NEK1: variants seen among roughly 807,000 people sequenced by gnomAD.
The protein encoded by NEK1 is serine/threonine-protein kinase Nek1.
NEK1 carries 137 observed loss-of-function variants against 182.1 expected under a neutral mutation model. That is an observed-to-expected ratio of 0.75 (90% CI 0.65 to 0.87). NEK1 has a LOEUF of 0.87. Ranked by LOEUF, NEK1 falls within the 40% of genes least tolerant of loss-of-function variation. The pLI, the probability that NEK1 is intolerant of heterozygous loss-of-function variation, is 0.00. For synonymous variants in NEK1, 513 were observed against 492.2 expected, an observed-to-expected ratio of 1.04 and a Z score of -0.56; for missense variants, 1,391 against 1,494.4, an observed-to-expected ratio of 0.93 and a Z score of 1.14.
intron 18 of NEK1, among the ~76,000 whole-genome samples, chr4:169,547,195 C>G (rs13111156): frequency 0.024 from 3,630 of 152,258 alleles, 63 homozygotes; most frequent in Non-Finnish European, 0.035. Flanking sequence ...CCAGCATTTT[C>G]TTTTCTGTAA....
intron 27 of NEK1, among the ~76,000 whole-genome samples, chr4:169,458,084 A>G (rs1421752467): frequency 6.6e-6 from 1 of 152,132 alleles, no homozygotes; most frequent in Non-Finnish European, 1.5e-5. Context: ...TATACAAAAG[A>G]CCCAGAATAG....
intron 18 of NEK1, among the ~76,000 whole-genome samples, chr4:169,539,591 C>T (rs1036443986): frequency 5.9e-5 from 9 of 151,932 alleles, no homozygotes; most frequent in Admixed American, 1.3e-4. Context: ...TATATCTGGT[C>T]GTAATGCAAC....
intron 26 of NEK1, among the ~76,000 whole-genome samples, chr4:169,469,642 G>A (rs1209177505): frequency 2.6e-5 from 4 of 152,080 alleles, no homozygotes; most frequent in African/African-American, 2.4e-5. Context: ...GGTCTGCTTG[G>A]TGCAGAGCTG....
intron 27 of NEK1, among the ~76,000 whole-genome samples, chr4:169,453,819 T>C (rs1435517172): frequency 1.3e-5 from 2 of 152,242 alleles, no homozygotes; most frequent in Non-Finnish European, 2.9e-5. Flanking sequence ...CTCTCAGCTC[T>C]GAAAGCTGTG....
chr4:169,489,937 A>G (rs1749756289), intron 23 of NEK1, among the ~76,000 whole-genome samples: 1 of 152,168 alleles, frequency 6.6e-6, no homozygotes, highest in Non-Finnish European at 1.5e-5. Flanking sequence ...AGTCACAAGT[A>G]TCATAGTAAT....
intron 5 of NEK1, among the ~76,000 whole-genome samples, chr4:169,594,201 G>A (rs532534576): frequency 6.6e-6 from 1 of 152,232 alleles, no homozygotes; most frequent in South Asian, 2.1e-4. Flanking sequence ...ATGTTATTTT[G>A]CATTAGTACA....
intron 30 of NEK1, 40 bp from the exon 31 acceptor site, chr4:169,424,840 G>C: frequency 6.6e-7 from 1 of 1,512,830 alleles, no homozygotes; most frequent in Non-Finnish European, 8.9e-7. Flanking sequence ...AGTCTATACA[G>C]TACTTAAAGT....
Position 169,401,646 on chromosome 4 carries a change from A to G in NEK1, c.3583+6T>C, listed in dbSNP as rs1468180906. ...AAGAAAAAGGTCCAAAACTCTGATC[A>G]TGCACCTGAGTGCCATTCTTCGTTC... On this transcript the variant is annotated splice_donor_region_variant and intron_variant, in intron 33 of 35. Transcript: ENST00000507142. The G allele has an allele frequency of 6.2e-7, 1 of 1,611,814 alleles. No homozygotes were observed. The highest frequency in any genetic ancestry group is 8.5e-7 in the Non-Finnish European group (1 of 1,178,168).
chr4:169,483,079 C>T (rs1329620607), intron 23 of NEK1, among the ~76,000 whole-genome samples: 1 of 152,178 alleles, frequency 6.6e-6, no homozygotes, highest in African/African-American at 2.4e-5. Flanking sequence ...AGGTGACAGA[C>T]ATGCAACTCT....
At chr4:169,477,702 C>T (rs1747227080) in intron 24 of NEK1, among the ~76,000 whole-genome samples, 1 of 151,768 alleles carries the variant, frequency 6.6e-6, no homozygotes, top group African/African-American at 2.4e-5. Context: ...TAGACAGGGG[C>T]CAATTCTCAA....
At chr4:169,478,924 T>C (rs17627330) in intron 24 of NEK1, among the ~76,000 whole-genome samples, 2,699 of 152,238 alleles carry the variant, frequency 0.018, 47 homozygotes, top group Non-Finnish European at 0.028. Context: ...GATTCAGAAG[T>C]AGAAGGTAAA....
At chr4:169,445,865 T>TATATACACACACACACACAC (rs569539235) in intron 27 of NEK1, among the ~76,000 whole-genome samples, 2 of 143,280 alleles carry the variant, frequency 1.4e-5, no homozygotes, top group African/African-American at 5.6e-5. Flanking sequence ...TATATATATA[T>TATATACACACACACACACAC]ACACACACAC....
intron 29 of NEK1, among the ~76,000 whole-genome samples, chr4:169,426,583 G>C (rs746434161): frequency 6.6e-6 from 1 of 152,166 alleles, no homozygotes. Context: ...GGGGGATAAC[G>C]CCCAGCAATT....
chr4:169,514,688 A>G lies in NEK1; in HGVS notation c.1666-5836T>C, dbSNP rs1754814526. ...AATTTATCCTTTTAATTGTTACAAGATCTATAATTATACCCATTTTTTTCT... is the reference window on the plus strand; with the variant it reads ...AATTTATCCTTTTAATTGTTACAAGGTCTATAATTATACCCATTTTTTTCT... On this transcript the variant is annotated intron_variant, in intron 19 of 35. Transcript: ENST00000507142. Among the ~76,000 whole-genome samples, 3 of 152,166 alleles carry G rather than the reference A, an allele frequency of 2.0e-5. No homozygotes were observed. The South Asian group carries it at 6.2e-4, about 31-fold the overall frequency.
chr4:169,472,487 G>C (rs954397412), intron 26 of NEK1, among the ~76,000 whole-genome samples: 1 of 152,180 alleles, frequency 6.6e-6, no homozygotes, highest in African/African-American at 2.4e-5. Context: ...CAGTCCCAAT[G>C]AGATGAACTG....
intron 31 of NEK1, among the ~76,000 whole-genome samples, chr4:169,421,005 G>A (rs1186954622): frequency 6.6e-6 from 1 of 152,182 alleles, no homozygotes; most frequent in Non-Finnish European, 1.5e-5. Context: ...GTTAAGAGCA[G>A]TAAAGAATGT....
intron 19 of NEK1, among the ~76,000 whole-genome samples, chr4:169,515,615 T>C (rs1325892516): frequency 2.4e-5 from 3 of 124,634 alleles, no homozygotes; most frequent in South Asian, 6.5e-4. Flanking sequence ...ATGTGTCATC[T>C]AGCATTAGGT....
chr4:169,400,703 A>G, intron 33 of NEK1, 52 bp from the exon 34 acceptor site: 2 of 1,370,098 alleles, frequency 1.5e-6, no homozygotes, highest in East Asian at 5.1e-5. Flanking sequence ...TGAATAACTC[A>G]TACCCTAATA....
rs1424294058 is a variant in NEK1, at chr4:169,394,200, T to C, written c.*310A>G. 1 of 240,118 alleles carries C rather than the reference T, an allele frequency of 4.2e-6. No homozygotes were observed. Among genetic ancestry groups the C allele is most frequent in the Non-Finnish European group, 7.9e-6 (1 of 126,160 alleles). 14.9% of individuals were successfully genotyped at this position (240,118 alleles called of 1,614,324 possible). A position where few individuals can be genotyped will look rare whatever the true frequency, so the allele number is the denominator to read the frequency against. On this transcript the variant is annotated 3_prime_UTR_variant, in exon 36 of 36. Coordinates refer to ENST00000507142, the MANE Select transcript of NEK1 (RefSeq NM_001199397.3). ...TTGCTGAAACTCAAAGTTACCCTAT[T>C]GCATAGTAAATCTTCAAAACCATTA...
Sources: allele counts gnomAD v4.1 joint callset (sites outside exome capture counted in the v4.1 genomes callset), GRCh38; gene constraint gnomAD v4.1.1; transcripts MANE v1.5; gene names NCBI Gene and HGNC (gene_info 2026-07-23, HGNC 2026-07-21).